STAC: variants seen among roughly 807,000 people sequenced by gnomAD.
STAC encodes the protein SH3 and cysteine rich domain.
In STAC, 43 loss-of-function variants were observed where a neutral mutation model predicts 48.8. That is an observed-to-expected ratio of 0.88 (90% CI 0.69 to 1.14). The LOEUF (loss-of-function observed/expected upper bound fraction) is 1.14, where lower values mean the gene tolerates loss of function less well. Among genes scored for constraint, STAC ranks in the 50% most tolerant of loss-of-function variants. The pLI is 0.00. For synonymous variants in STAC, 193 were observed against 179.5 expected (o/e 1.07, Z -0.60); for missense variants, 497 against 504.0 (o/e 0.99, Z 0.13).
intron 1 of STAC, among the ~76,000 whole-genome samples, chr3:36,435,622 C>T (rs1415697417): frequency 1.3e-5 from 2 of 152,128 alleles, no homozygotes; most frequent in Non-Finnish European, 2.9e-5. Flanking sequence ...TGTCCATGTT[C>T]ATTACCTCTG....
At chr3:36,493,299 T>C (rs1286222357) in intron 6 of STAC, 70 bp downstream of exon 6, 1 of 1,438,066 alleles carries the variant, frequency 7.0e-7, no homozygotes, top group Non-Finnish European at 9.7e-7. Context: ...GCCAAGTTGA[T>C]TTCCAGTCCC....
chr3:36,397,975 A>G (rs980990964), intron 1 of STAC, among the ~76,000 whole-genome samples: 1 of 151,952 alleles, frequency 6.6e-6, no homozygotes, highest in East Asian at 1.9e-4. Flanking sequence ...GGAGATATTT[A>G]AAACTTGTGT....
chr3:36,436,784 T>C (rs1233304141), intron 1 of STAC, among the ~76,000 whole-genome samples: 1 of 152,192 alleles, frequency 6.6e-6, no homozygotes, highest in Admixed American at 6.5e-5. Context: ...TGGGACCTAA[T>C]TAAACTAAAG....
intron 6 of STAC, among the ~76,000 whole-genome samples, chr3:36,503,266 T>C (rs1271792394): frequency 1.3e-5 from 2 of 152,114 alleles, no homozygotes; most frequent in African/African-American, 2.4e-5. Flanking sequence ...TTAAGGAAAA[T>C]ACATATGATG....
intron 5 of STAC, among the ~76,000 whole-genome samples, chr3:36,492,062 A>ATATATG (rs1419552828): frequency 8.1e-5 from 8 of 99,086 alleles, no homozygotes; most frequent in African/African-American, 2.9e-4. Flanking sequence ...ATATATATAT[A>ATATATG]TATATGTGAC....
chr3:36,426,040 AAAAACAAAACAAAAC>A (rs371899613), intron 1 of STAC, among the ~76,000 whole-genome samples: 8 of 151,894 alleles, frequency 5.3e-5, no homozygotes, highest in Non-Finnish European at 1.0e-4. Flanking sequence ...TCAAAAAACA[AAAAACAAAACAAAAC>A]AAAACAAAAC....
At chr3:36,463,972 T>C (rs1323734778) in intron 2 of STAC, among the ~76,000 whole-genome samples, 1 of 152,134 alleles carries the variant, frequency 6.6e-6, no homozygotes, top group Non-Finnish European at 1.5e-5. Flanking sequence ...AGTGCCACAG[T>C]AAACATACGT....
intron 2 of STAC, among the ~76,000 whole-genome samples, chr3:36,445,724 G>C (rs1017067418): frequency 4.6e-5 from 7 of 152,106 alleles, no homozygotes; most frequent in African/African-American, 1.7e-4. Context: ...AGATTTTAGG[G>C]AAAGACTACC....
intron 1 of STAC, among the ~76,000 whole-genome samples, chr3:36,409,943 GT>G (rs1256033562): frequency 2.0e-5 from 3 of 152,120 alleles, no homozygotes; most frequent in Non-Finnish European, 4.4e-5. Context: ...CAAGAATGGA[GT>G]TTTTATTTTC....
At chr3:36,515,162 T>C (rs983349007) in intron 8 of STAC, among the ~76,000 whole-genome samples, 2 of 152,076 alleles carry the variant, frequency 1.3e-5, no homozygotes, top group Non-Finnish European at 2.9e-5. Flanking sequence ...CTAGGATAAA[T>C]GTTATTCATC....
At chr3:36,421,498 A>G (rs1700447768) in intron 1 of STAC, among the ~76,000 whole-genome samples, 1 of 152,052 alleles carries the variant, frequency 6.6e-6, no homozygotes, top group Non-Finnish European at 1.5e-5. Flanking sequence ...GGATACTTTA[A>G]CATGCTGGTA....
chr3:36,460,108 A>G (rs557326201), intron 2 of STAC, among the ~76,000 whole-genome samples: 2 of 152,174 alleles, frequency 1.3e-5, no homozygotes, highest in Admixed American at 1.3e-4. Flanking sequence ...TTCTATGCAA[A>G]GGAAAGAAGA....
At chr3:36,458,895 T>C (rs1696924802) in intron 2 of STAC, among the ~76,000 whole-genome samples, 1 of 152,220 alleles carries the variant, frequency 6.6e-6, no homozygotes, top group African/African-American at 2.4e-5. Context: ...CTTGTTAGAA[T>C]ACACAATTCT....
Position 36,546,395 on chromosome 3 carries a change from CA to C in STAC, c.*107del, listed in dbSNP as rs1559533755. On this transcript the variant is annotated 3_prime_UTR_variant, in exon 11 of 11. Transcript: ENST00000273183. ...GAGCTGCCGCACTGACCCAGCCCCC[CA>C]GGAAACAGTGAGACAAGAATCAAGT... The C allele has an allele frequency of 1.1e-6, 1 of 931,082 alleles. No individual in the cohort carries two copies. The highest frequency in any genetic ancestry group is 1.7e-6 in the Non-Finnish European group (1 of 582,748). The allele number at this position is 931,082 out of a possible 1,614,324, so 57.7% of individuals were successfully genotyped here.
intron 2 of STAC, among the ~76,000 whole-genome samples, chr3:36,469,587 G>A (rs1324148280): frequency 6.6e-6 from 1 of 152,136 alleles, no homozygotes; most frequent in African/African-American, 2.4e-5. Flanking sequence ...AATTTCCCAG[G>A]TGTTCTTTGA....
chr3:36,453,626 A>AGGAGGCTAGG (rs1553636173), intron 2 of STAC, among the ~76,000 whole-genome samples: 2 of 99,332 alleles, frequency 2.0e-5, no homozygotes, highest in African/African-American at 3.4e-5. Flanking sequence ...CTCCCTGACG[A>AGGAGGCTAGG]GCGCCGCCCC....
chr3:36,389,856 A>T (rs1699711619), intron 1 of STAC, among the ~76,000 whole-genome samples: 1 of 152,132 alleles, frequency 6.6e-6, no homozygotes, highest in South Asian at 2.1e-4. Flanking sequence ...CATTCAAGTT[A>T]ATTAGTGTAT....
chr3:36,426,780 A>C (rs951601453), intron 1 of STAC, among the ~76,000 whole-genome samples: 1 of 152,200 alleles, frequency 6.6e-6, no homozygotes. Flanking sequence ...TGAACTCAGA[A>C]GGTTACCCTC....
chr3:36,489,169 G>T (rs529693504), intron 5 of STAC, among the ~76,000 whole-genome samples: 2 of 152,160 alleles, frequency 1.3e-5, no homozygotes, highest in Non-Finnish European at 2.9e-5. Context: ...ATCTGCTTTT[G>T]TGTCTATTCC....
Sources: allele counts gnomAD v4.1 joint callset (sites outside exome capture counted in the v4.1 genomes callset), GRCh38; gene constraint gnomAD v4.1.1; transcripts MANE v1.5; gene names NCBI Gene and HGNC (gene_info 2026-07-23, HGNC 2026-07-21).